Variants in ARHGEF3 observed in about 807,000 individuals in gnomAD.
ARHGEF3 encodes the protein Rho guanine nucleotide exchange factor 3.
In ARHGEF3, 28 loss-of-function variants were observed where a neutral mutation model predicts 63.2. The observed-to-expected ratio is 0.44, with a 90% CI of 0.33 to 0.61. ARHGEF3 has a LOEUF of 0.61. Ranked by LOEUF, ARHGEF3 falls within the 20% of genes least tolerant of loss-of-function variation. The probability of loss-of-function intolerance (pLI) is 0.03; values close to 1 mark genes in which losing one functional copy is unlikely to be tolerated. For synonymous variants in ARHGEF3, 266 were observed against 254.2 expected (o/e 1.05, Z -0.44); for missense variants, 533 against 659.3 (o/e 0.81, Z 2.10).
Position 56,767,280 on chromosome 3 carries a change from T to C in ARHGEF3, c.204+6429A>G, listed in dbSNP as rs142812072. Among the ~76,000 whole-genome samples, 683 of 152,234 alleles carry C rather than the reference T, an allele frequency of 4.5e-3. 6 individuals are homozygous for C. The highest frequency in any genetic ancestry group is 0.016 in the African/African-American group (659 of 41,534). On this transcript the variant is annotated intron_variant, in intron 2 of 9. Transcript: ENST00000296315. ...AGCATATACAGTGTGATAGTCATTT[T>C]GTTTTAAAAAATGCACATGCGGCCG...
intron 2 of ARHGEF3, among the ~76,000 whole-genome samples, chr3:56,997,971 T>C (rs1022062822): frequency 1.3e-5 from 2 of 152,184 alleles, no homozygotes; most frequent in Non-Finnish European, 2.9e-5. Flanking sequence ...TGGCCTCTGT[T>C]TCCTCATCTG....
chr3:56,941,348 C>T (rs1699174330), intron 3 of ARHGEF3, among the ~76,000 whole-genome samples: 2 of 152,214 alleles, frequency 1.3e-5, no homozygotes, highest in Non-Finnish European at 1.5e-5. Flanking sequence ...GCTGGGGTCC[C>T]AGGAGTGTGC....
intron 2 of ARHGEF3, among the ~76,000 whole-genome samples, chr3:56,980,619 T>A (rs1354405768): frequency 6.6e-6 from 1 of 152,214 alleles, no homozygotes; most frequent in East Asian, 1.9e-4. Flanking sequence ...AAAGTGCATG[T>A]TAGCTGCTAT....
intron 4 of ARHGEF3, among the ~76,000 whole-genome samples, chr3:56,872,958 G>A (rs960911037): frequency 2.0e-5 from 3 of 152,028 alleles, no homozygotes; most frequent in African/African-American, 7.2e-5. Flanking sequence ...CGATAGGCCA[G>A]GTACTAAGTA....
chr3:56,764,426 G>T (rs1184136210), intron 2 of ARHGEF3, among the ~76,000 whole-genome samples: 1 of 152,166 alleles, frequency 6.6e-6, no homozygotes, highest in African/African-American at 2.4e-5. Flanking sequence ...AAAGTCTGGT[G>T]ACTATTTTTA....
At position 56,994,064 on chromosome 3, in the gene ARHGEF3, C is replaced by CAAAAAAAAA. The variant is rs60299557; in HGVS notation, c.63-35184_63-35176dup. 3.7e-4 allele frequency among the ~76,000 whole-genome samples: 22 copies of CAAAAAAAAA among 59,730 alleles called. 1 individual carries two copies. The highest frequency in any genetic ancestry group is 7.3e-4 in the South Asian group (1 of 1,366). 39.2% of individuals were successfully genotyped at this position (59,730 alleles called of 152,430 possible). On this transcript the variant is annotated intron_variant, in intron 2 of 12. Coordinates refer to the ARHGEF3 transcript ENST00000338458. Reference sequence around the variant, plus strand: ...GGGCGACAAGAGTGAAACTTCGTCTCAAAAAAAAAAAAAAAAAAAAAGCAC... The same window carrying CAAAAAAAAA: ...GGGCGACAAGAGTGAAACTTCGTCTCAAAAAAAAAAAAAAAAAAAAAAAAAAAAAAGCAC...
At chr3:56,879,016 A>C (rs921631824) in intron 4 of ARHGEF3, among the ~76,000 whole-genome samples, 1 of 152,228 alleles carries the variant, frequency 6.6e-6, no homozygotes, top group Non-Finnish European at 1.5e-5. Context: ...GCTCCTTGTG[A>C]GATTCTAATG....
intron 2 of ARHGEF3, among the ~76,000 whole-genome samples, chr3:56,967,513 T>C (rs1389566961): frequency 1.1e-5 from 1 of 91,966 alleles, no homozygotes; most frequent in Non-Finnish European, 1.9e-5. Flanking sequence ...TAATATATAA[T>C]ATAATATATT....
chr3:57,060,954 T>C (rs187702328), intron 1 of ARHGEF3, among the ~76,000 whole-genome samples: 9 of 152,258 alleles, frequency 5.9e-5, no homozygotes, highest in African/African-American at 2.2e-4. Flanking sequence ...ACTCCTCTTA[T>C]ACTCTTTTTT....
At chr3:56,980,864 G>A (rs894175050) in intron 2 of ARHGEF3, among the ~76,000 whole-genome samples, 4 of 152,230 alleles carry the variant, frequency 2.6e-5, no homozygotes, top group Admixed American at 6.5e-5. Context: ...ATCGGCCTCC[G>A]AGGCTCTTGC....
intron 1 of ARHGEF3, chr3:57,060,729 C>T (rs1179510200): frequency 6.6e-6 from 1 of 152,108 alleles, no homozygotes; most frequent in African/African-American, 2.4e-5. Context: ...CTTCCTGATC[C>T]TGCAGCGTCA....
At chr3:56,976,339 G>T (rs9840625) in intron 2 of ARHGEF3, among the ~76,000 whole-genome samples, 80,316 of 151,940 alleles carry the variant, frequency 0.53, 21,659 homozygotes, top group Middle Eastern at 0.63. Context: ...CACTGCATCC[G>T]GTCAATTCAT....
intron 2 of ARHGEF3, among the ~76,000 whole-genome samples, chr3:56,770,849 T>C (rs935699249): frequency 3.9e-5 from 6 of 152,122 alleles, no homozygotes; most frequent in African/African-American, 1.4e-4. Flanking sequence ...AAAATTAACT[T>C]AAAAACTTAT....
At chr3:56,765,689 G>A (rs928054762) in intron 2 of ARHGEF3, among the ~76,000 whole-genome samples, 1 of 151,984 alleles carries the variant, frequency 6.6e-6, no homozygotes, top group African/African-American at 2.4e-5. Context: ...GCCATTCCAG[G>A]CCCAACCCAA....
At chr3:56,813,372 C>G (rs914932595) in intron 4 of ARHGEF3, among the ~76,000 whole-genome samples, 5 of 152,142 alleles carry the variant, frequency 3.3e-5, no homozygotes, top group African/African-American at 1.2e-4. Flanking sequence ...TAGAGGTTTT[C>G]CACATGTTAG....
At position 57,040,252 on chromosome 3, in the gene ARHGEF3, T is replaced by C. The variant is rs368529413; in HGVS notation, c.-27-5076A>G. 4.4e-4 allele frequency among the ~76,000 whole-genome samples: 67 copies of C among 152,058 alleles called. No homozygotes were observed. The East Asian group carries it at 4.9e-3, about 11-fold the overall frequency. ...CAGCACTTTTGGAGGCCAAGGCGGG[T>C]GGATCACGAGGTCAGGACATTGAGA... On this transcript the variant is annotated intron_variant, in intron 1 of 12. Transcript: ENST00000338458.
intron 3 of ARHGEF3, among the ~76,000 whole-genome samples, chr3:56,894,942 G>A (rs564284966): frequency 1.3e-5 from 2 of 152,348 alleles, no homozygotes; most frequent in South Asian, 4.1e-4. Flanking sequence ...TTAGCCCAAA[G>A]TACTTTCCCC....
At chr3:56,863,177 G>A (rs1398001247) in intron 4 of ARHGEF3, among the ~76,000 whole-genome samples, 1 of 150,696 alleles carries the variant, frequency 6.6e-6, no homozygotes, top group Non-Finnish European at 1.5e-5. Flanking sequence ...TCACTCTGTT[G>A]CCCAGGCTGG....
intron 4 of ARHGEF3, among the ~76,000 whole-genome samples, chr3:56,822,896 A>G (rs931752592): frequency 4.0e-5 from 6 of 151,198 alleles, no homozygotes; most frequent in Admixed American, 2.6e-4. Flanking sequence ...AGGTCTCCCA[A>G]TGATGGGCCA....
Sources: gnomAD v4.1 joint callset for allele counts (sites outside exome capture counted in the v4.1 genomes callset) on GRCh38, gnomAD v4.1.1 for gene constraint, MANE v1.5 for transcripts, NCBI Gene and HGNC (gene_info 2026-07-23, HGNC 2026-07-21) for gene names.